The following MARCHF3 variants were observed in gnomAD, a reference collection of about 807,000 sequenced individuals.
The protein encoded by MARCHF3 is E3 ubiquitin-protein ligase MARCHF3.
MARCHF3 carries 13 observed loss-of-function variants against 24.2 expected under a neutral mutation model. The observed-to-expected ratio is 0.54, with a 90% CI of 0.35 to 0.85. MARCHF3 has a LOEUF of 0.85. MARCHF3 is among the 40% of genes least tolerant of loss of function. The probability of loss-of-function intolerance (pLI) is 0.01; values close to 1 mark genes in which losing one functional copy is unlikely to be tolerated. For synonymous variants in MARCHF3, 144 were observed against 137.3 expected, an observed-to-expected ratio of 1.05 and a Z score of -0.34; for missense variants, 276 against 325.0, an observed-to-expected ratio of 0.85 and a Z score of 1.16.
intron 3 of MARCHF3, among the ~76,000 whole-genome samples, chr5:126,894,271 G>T: frequency 1.4e-5 from 2 of 144,622 alleles, no homozygotes; most frequent in Admixed American, 6.9e-5. Flanking sequence ...CTTTTAATTG[G>T]AGCATTTAGT....
intron 1 of MARCHF3, among the ~76,000 whole-genome samples, chr5:127,007,230 G>A (rs1173158346): frequency 6.6e-6 from 1 of 151,362 alleles, no homozygotes; most frequent in Non-Finnish European, 1.5e-5. Context: ...GCATTTTTCT[G>A]ACAAAGAAAT....
intron 3 of MARCHF3, among the ~76,000 whole-genome samples, chr5:126,903,172 G>C (rs530637010): frequency 1.3e-5 from 2 of 152,112 alleles, no homozygotes; most frequent in South Asian, 4.1e-4. Context: ...CAGTGTATTA[G>C]AGAACTCTTT....
chr5:126,919,661 T>C (rs1216149093), intron 1 of MARCHF3, among the ~76,000 whole-genome samples: 1 of 152,252 alleles, frequency 6.6e-6, no homozygotes, highest in Admixed American at 6.5e-5. Flanking sequence ...TGTTTCCTGA[T>C]GAAACTGACA....
chr5:126,898,954 C>T (rs576497789), intron 3 of MARCHF3: 1 of 868,212 alleles, frequency 1.2e-6, no homozygotes, highest in African/African-American at 1.8e-5. Flanking sequence ...AAGAATTAAA[C>T]TTTTTTTTTT....
chr5:127,005,090 G>T (rs1178783283), intron 1 of MARCHF3, among the ~76,000 whole-genome samples: 1 of 150,892 alleles, frequency 6.6e-6, no homozygotes, highest in Non-Finnish European at 1.5e-5. Flanking sequence ...TGCATCCTCA[G>T]TAACTAGACC....
chr5:126,973,879 ATTTTTTTTTT>A lies in MARCHF3; in HGVS notation c.-56-55662_-56-55653del, dbSNP rs10585434. 4.9e-3 allele frequency among the ~76,000 whole-genome samples: 404 copies of A among 82,978 alleles called. 1 individual carries two copies. The highest frequency in any genetic ancestry group is 0.01 in the African/African-American group (211 of 20,458). The allele number at this position is 82,978 out of a possible 152,430, so 54.4% of individuals were successfully genotyped here. ...CTATCCAGAATATTAAGCAAAATCT[ATTTTTTTTTT>A]TTTTTTTTTTTTTTTTTTTGAGACG... is the stretch of plus-strand genomic sequence containing the variant. On this transcript the variant is annotated intron_variant, in intron 1 of 4. Transcript: ENST00000308660.
chr5:126,870,799 T>A lies in MARCHF3; in HGVS notation c.604-8A>T. The A allele has an allele frequency of 6.2e-7, 1 of 1,613,404 alleles. No homozygotes were observed. The highest frequency in any genetic ancestry group is 8.5e-7 in the Non-Finnish European group (1 of 1,179,508). The stretch of plus-strand genomic sequence containing the variant: ...GTGGTACCTAAATGACACCTGGGGA[T>A]GGGAGAGGAAAAGTAAGAGAAAAGA... On this transcript the variant is annotated splice_polypyrimidine_tract_variant and splice_region_variant and intron_variant, in intron 4 of 4. Coordinates refer to ENST00000308660, the MANE Select transcript of MARCHF3 (RefSeq NM_178450.5).
chr5:126,893,525 T>G (rs1369457214), intron 3 of MARCHF3, among the ~76,000 whole-genome samples: 2 of 152,026 alleles, frequency 1.3e-5, no homozygotes, highest in Non-Finnish European at 2.9e-5. Context: ...ACATCTTTAT[T>G]TCTGCCTTCA....
intron 1 of MARCHF3, among the ~76,000 whole-genome samples, chr5:127,013,764 T>A (rs1188183731): frequency 1.3e-5 from 2 of 152,134 alleles, no homozygotes; most frequent in East Asian, 3.8e-4. Flanking sequence ...TAAGGCCAAC[T>A]GATTTTTGAC....
At chr5:127,007,450 A>C (rs979084480) in intron 1 of MARCHF3, among the ~76,000 whole-genome samples, 8 of 152,014 alleles carry the variant, frequency 5.3e-5, no homozygotes, top group African/African-American at 1.9e-4. Flanking sequence ...AAATTATAGA[A>C]GTTATTCTTC....
intron 1 of MARCHF3, among the ~76,000 whole-genome samples, chr5:126,965,592 T>G (rs1373923094): frequency 3.3e-5 from 5 of 152,366 alleles, no homozygotes; most frequent in African/African-American, 1.2e-4. Context: ...TAATGCTGAT[T>G]GAACCTTAAA....
At chr5:126,929,254 G>T (rs1198585483) in intron 1 of MARCHF3, among the ~76,000 whole-genome samples, 1 of 152,012 alleles carries the variant, frequency 6.6e-6, no homozygotes, top group African/African-American at 2.4e-5. Context: ...GTATTTTCTG[G>T]AACCCCAGGA....
At position 126,869,910 on chromosome 5, in the gene MARCHF3, G is replaced by A. The variant is rs1050009047; in HGVS notation, c.*723C>T. On this transcript the variant is annotated 3_prime_UTR_variant, in exon 5 of 5. Coordinates refer to ENST00000308660, the MANE Select transcript of MARCHF3 (RefSeq NM_178450.5). ...TATTAGAAAATAGCTTCTATCAGCTGTCAGTACCAAACAAGTTGAAAGGAG... is the reference window on the plus strand; with the variant it reads ...TATTAGAAAATAGCTTCTATCAGCTATCAGTACCAAACAAGTTGAAAGGAG... 2 of 152,054 alleles carry A rather than the reference G, an allele frequency of 1.3e-5. No individual in the cohort carries two copies. Among genetic ancestry groups the A allele is most frequent in the African/African-American group, 4.9e-5 (2 of 41,210 alleles). 9.4% of individuals were successfully genotyped at this position (152,054 alleles called of 1,614,324 possible).
intron 1 of MARCHF3, among the ~76,000 whole-genome samples, chr5:126,940,218 T>G (rs1444934700): frequency 6.6e-6 from 1 of 152,150 alleles, no homozygotes; most frequent in Non-Finnish European, 1.5e-5. Flanking sequence ...CAAGTATTGA[T>G]TTTGGGGTTA....
At chr5:127,029,399 G>C (rs535913777) in intron 1 of MARCHF3, among the ~76,000 whole-genome samples, 14 of 152,294 alleles carry the variant, frequency 9.2e-5, no homozygotes, top group African/African-American at 3.4e-4. Flanking sequence ...AATAAGAATT[G>C]TAAGAAAATA....
chr5:126,917,983 C>A lies in MARCHF3; in HGVS notation c.188+1G>T. The A allele has an allele frequency of 6.2e-7, 1 of 1,613,246 alleles. No homozygotes were observed. Among genetic ancestry groups the A allele is most frequent in the Non-Finnish European group, 8.5e-7 (1 of 1,179,632 alleles). On this transcript the variant is annotated splice_donor_variant, in intron 2 of 4. Transcript: ENST00000308660. LOFTEE classifies it high-confidence loss of function. ...TTCATTTATTTTAATTGTGGTACTA[C>A]CTCTGGGTGGCAAGAGTCCGCACTA...
At chr5:126,973,649 A>G (rs768152621) in intron 1 of MARCHF3, among the ~76,000 whole-genome samples, 15 of 152,280 alleles carry the variant, frequency 9.9e-5, no homozygotes, top group South Asian at 2.1e-4. Context: ...TAATGACTCT[A>G]CCTACTTCAG....
chr5:126,923,946 AT>A (rs113886939), intron 1 of MARCHF3, among the ~76,000 whole-genome samples: 64 of 147,556 alleles, frequency 4.3e-4, no homozygotes, highest in South Asian at 1.1e-3. Context: ...TCCATTCACT[AT>A]TTTTTTTTTT....
chr5:126,964,348 C>T (rs533082098), intron 1 of MARCHF3, among the ~76,000 whole-genome samples: 1 of 152,316 alleles, frequency 6.6e-6, no homozygotes, highest in African/African-American at 2.4e-5. Context: ...TACATAAACA[C>T]ATTACATTTC....
Sources: gnomAD v4.1 joint callset for allele counts (sites outside exome capture counted in the v4.1 genomes callset) on GRCh38, gnomAD v4.1.1 for gene constraint, MANE v1.5 for transcripts, NCBI Gene and HGNC (gene_info 2026-07-23, HGNC 2026-07-21) for gene names.